Variants in ZBTB17 observed in about 807,000 individuals in gnomAD.
The protein encoded by ZBTB17 is zinc finger and BTB domain-containing protein 17.
Under a neutral mutation model 85.1 loss-of-function variants are expected in ZBTB17, and 24 were observed. That is an observed-to-expected ratio of 0.28 (90% CI 0.20 to 0.40). The LOEUF (loss-of-function observed/expected upper bound fraction) is 0.40, where lower values mean the gene tolerates loss of function less well. ZBTB17 is among the 10% of genes least tolerant of loss of function. ZBTB17 has a pLI of 1.00. For synonymous variants in ZBTB17, 464 were observed against 460.2 expected (o/e 1.01, Z -0.11); for missense variants, 743 against 1,105.1 (o/e 0.67, Z 4.65).
rs1290973602 is a variant in ZBTB17 at position 15,944,852 on chromosome 1, C to T, written c.928-13G>A. 1.3e-6 allele frequency: 2 copies of T among 1,580,550 alleles called. No individual in the cohort carries two copies. The highest frequency in any genetic ancestry group is 1.1e-5 in the South Asian group (1 of 87,238). On this transcript the variant is annotated splice_polypyrimidine_tract_variant and intron_variant, in intron 7 of 15. Coordinates refer to ENST00000375743, the MANE Select transcript of ZBTB17 (RefSeq NM_003443.3). ...CCTTCCCACAGTCCTGTGGGTGCAG[C>T]GGGGAAGCGGGGTGTGAGGAGCAGC...
chr1:15,960,615 C>A (rs977249168), intron 2 of ZBTB17, among the ~76,000 whole-genome samples: 6 of 152,230 alleles, frequency 3.9e-5, no homozygotes, highest in African/African-American at 1.4e-4. Context: ...ATGCTTAATA[C>A]TTGATGGTAA....
rs1398550502 is a variant in ZBTB17 at position 15,964,793 on chromosome 1, G to C, written c.-3+8246C>G. Among the ~76,000 whole-genome samples the C allele has an allele frequency of 1.3e-5, 2 of 152,040 alleles. No homozygotes were observed. The highest frequency in any genetic ancestry group is 2.4e-5 in the African/African-American group (1 of 41,392). On this transcript the variant is annotated intron_variant, in intron 2 of 15. Transcript: ENST00000375743. This position sits in a 1 kb window ranked among gnomAD's most constrained non-coding sequence, Gnocchi z 4.3. ...CACCAGTTCACCAGTTTTCTAAAATGATGTATTTTACAAGTCAGTGTGGTA... is the reference window on the plus strand; with the variant it reads ...CACCAGTTCACCAGTTTTCTAAAATCATGTATTTTACAAGTCAGTGTGGTA...
At chr1:15,961,826 G>A (rs2072270186) in intron 2 of ZBTB17, among the ~76,000 whole-genome samples, 1 of 152,240 alleles carries the variant, frequency 6.6e-6, no homozygotes, top group African/African-American at 2.4e-5. Context: ...GATGGAGACG[G>A]AGGCACAGCT....
rs1557783399 is a variant in ZBTB17, at chr1:15,952,916, C to T, written c.-2-4419G>A. ...CTAAGAAAGACTGACTCACCGATGA[C>T]TTATGCCACTGGGTTTTGGGGTGCT... On this transcript the variant is annotated intron_variant, in intron 2 of 15. Transcript: ENST00000375743. The surrounding 1 kb of genome is among the most constrained non-coding windows in gnomAD (Gnocchi z 4.3). The T allele has an allele frequency of 6.6e-6, 1 of 152,300 alleles. No individual in the cohort carries two copies. Among genetic ancestry groups the T allele is most frequent in the African/African-American group, 2.4e-5 (1 of 41,454 alleles). 9.4% of individuals were successfully genotyped at this position (152,300 alleles called of 1,614,324 possible).
chr1:15,952,539 C>G lies in ZBTB17; in HGVS notation c.-2-4042G>C, dbSNP rs898172323. On this transcript the variant is annotated intron_variant, in intron 2 of 15. Transcript: ENST00000375743. The surrounding 1 kb of genome is among the most constrained non-coding windows in gnomAD (Gnocchi z 4.3). ...CACGCCTCCCATGGAGAGACGGTGT[C>G]TGTTTCCCTCCTGTCGGAATCTGGA... Among the ~76,000 whole-genome samples, 1 of 152,262 alleles carries G rather than the reference C, an allele frequency of 6.6e-6. No homozygotes were observed. The highest frequency in any genetic ancestry group is 1.5e-5 in the Non-Finnish European group (1 of 68,044).
In ZBTB17 at chr1:15,952,673, G is replaced by A. The variant is rs977510622; in HGVS notation, c.-2-4176C>T. On this transcript the variant is annotated intron_variant, in intron 2 of 15. Transcript: ENST00000375743. This position sits in a 1 kb window ranked among gnomAD's most constrained non-coding sequence, Gnocchi z 4.3. ...TGTGGCTCCTGGGAATCCAGTCACC[G>A]AGCTGGAGGAAAGTCCAAGCTCCCG... is the stretch of plus-strand genomic sequence containing the variant. Among the ~76,000 whole-genome samples, 3 of 152,228 alleles carry A rather than the reference G, an allele frequency of 2.0e-5. No individual in the cohort carries two copies. Among genetic ancestry groups the A allele is most frequent in the African/African-American group, 7.2e-5 (3 of 41,464 alleles).
In ZBTB17 at chr1:15,942,725, G is replaced by A. The variant is rs756424050; in HGVS notation, c.1842C>T (p.Tyr614=). ...HIIIHTGEKP[Y]LCDKCGRGFN... Reference sequence around the variant, plus strand: ...AGCCACGCCCACACTTATCACACAGGTAAGGCTTCTCTCCTGGGGGAGCAA... The same window carrying A: ...AGCCACGCCCACACTTATCACACAGATAAGGCTTCTCTCCTGGGGGAGCAA... Residue 614 remains tyrosine, a synonymous_variant, in exon 14 of 16, where the codon TAC becomes TAT. Coordinates refer to ENST00000375743, the MANE Select transcript of ZBTB17 (RefSeq NM_003443.3). 6.2e-7 allele frequency: 1 copy of A among 1,613,454 alleles called. No individual in the cohort carries two copies. The highest frequency in any genetic ancestry group is 1.1e-5 in the South Asian group (1 of 91,076).
chr1:15,962,698 T>C (rs1346603233), intron 2 of ZBTB17, among the ~76,000 whole-genome samples: 1 of 152,188 alleles, frequency 6.6e-6, no homozygotes, highest in African/African-American at 2.4e-5. Context: ...CCTGAGCCTG[T>C]ACCAAATGGA....
chr1:15,974,598 G>A (rs914191120), intron 1 of ZBTB17, among the ~76,000 whole-genome samples: 1 of 150,482 alleles, frequency 6.6e-6, no homozygotes, highest in African/African-American at 2.4e-5. Flanking sequence ...TTTTTGAGAC[G>A]GAATCTCGCT....
chr1:15,952,268 A>G lies in ZBTB17; in HGVS notation c.-2-3771T>C, dbSNP rs2071886259. 6.6e-6 allele frequency among the ~76,000 whole-genome samples: 1 copy of G among 152,148 alleles called. No homozygotes were observed. Among genetic ancestry groups the G allele is most frequent in the Non-Finnish European group, 1.5e-5 (1 of 68,040 alleles). ...TCACTCAGTTTTTCTCCCTCACCTC[A>G]GGTGTCAGAGCTGGGATGCTGTCCT... On this transcript the variant is annotated intron_variant, in intron 2 of 15. Transcript: ENST00000375743. The surrounding 1 kb of genome is among the most constrained non-coding windows in gnomAD (Gnocchi z 4.3).
intron 13 of ZBTB17, 30 bp downstream of exon 13, chr1:15,943,034 G>A (rs2071427946): frequency 2.5e-6 from 4 of 1,611,386 alleles, no homozygotes; most frequent in Non-Finnish European, 3.4e-6. Context: ...GGCCTGGGAA[G>A]GAACAGGCAT....
At chr1:15,965,660 A>G (rs1196240587) in intron 2 of ZBTB17, among the ~76,000 whole-genome samples, 1 of 152,248 alleles carries the variant, frequency 6.6e-6, no homozygotes, top group Non-Finnish European at 1.5e-5. Flanking sequence ...AATACTGGAA[A>G]CAACCCAAAT....
chr1:15,970,315 G>T (rs548940944), intron 2 of ZBTB17: 1 of 244,186 alleles, frequency 4.1e-6, no homozygotes, highest in South Asian at 7.3e-5. Context: ...ATGCTGAGAA[G>T]GAAAAATAAA....
At chr1:15,959,331 TG>T (rs1458514945) in intron 2 of ZBTB17, among the ~76,000 whole-genome samples, 1 of 152,096 alleles carries the variant, frequency 6.6e-6, no homozygotes, top group Non-Finnish European at 1.5e-5. Flanking sequence ...TACACAAAAC[TG>T]GTAAAGAGAA....
rs1227404450 is a variant in ZBTB17 at position 15,946,231 on chromosome 1, G to T, written c.458C>A (p.Ala153Glu). The part of the protein sequence containing the change: ...ATSTLSRLEQ[A>E]GRSTPIGPSR... ...GGGGCCTATGGGTGTGCTGCGTCCT[G>T]CCTGCTCCAGCCTGCTCAGCGTGCT... The change falls in exon 5 of 16, where the codon GCA becomes GAA. Residue 153 changes from alanine to glutamate, a missense_variant. Physicochemically the swap from Ala to Glu is moderately radical, Grantham distance 107. Transcript: ENST00000375743. 3 of 1,613,618 alleles carry T rather than the reference G, an allele frequency of 1.9e-6. No individual in the cohort carries two copies. The highest frequency in any genetic ancestry group is 4.5e-5 in the East Asian group (2 of 44,878).
chr1:15,975,913 G>A (rs968539822), intron 1 of ZBTB17, 70 bp downstream of exon 1: 18 of 574,402 alleles, frequency 3.1e-5, no homozygotes, highest in African/African-American at 1.9e-4. Flanking sequence ...GTCCCACCGC[G>A]CCCCATCCTC....
intron 2 of ZBTB17, among the ~76,000 whole-genome samples, chr1:15,971,762 A>C (rs945296590): frequency 6.6e-5 from 10 of 152,056 alleles, no homozygotes; most frequent in Non-Finnish European, 1.5e-5. Context: ...TAATTCTCCA[A>C]ACAATTCTGT....
chr1:15,948,025 T>TG (rs111974933), intron 3 of ZBTB17: 35,490 of 534,970 alleles, frequency 0.066, 1,510 homozygotes, highest in South Asian at 0.15. Context: ...CCCCTCCCAA[T>TG]GAGGCCTTTC....
chr1:15,965,873 G>GC (rs1285266070), intron 2 of ZBTB17, among the ~76,000 whole-genome samples: 1 of 152,146 alleles, frequency 6.6e-6, no homozygotes, highest in Non-Finnish European at 1.5e-5. Flanking sequence ...ATAAAGAAAA[G>GC]CAAGAGTGAT....
Sources: allele counts gnomAD v4.1 joint callset (sites outside exome capture counted in the v4.1 genomes callset), GRCh38; gene constraint gnomAD v4.1.1; non-coding constraint Gnocchi (gnomAD v3.1); transcripts MANE v1.5; gene names NCBI Gene and HGNC (gene_info 2026-07-23, HGNC 2026-07-21).